The following PCDH11X variants were observed in gnomAD, a reference collection of about 807,000 sequenced individuals.
The protein encoded by PCDH11X is protocadherin 11 X-linked.
A neutral mutation model predicts 53.3 loss-of-function variants in PCDH11X; 18 were observed. That is an observed-to-expected ratio of 0.34 (90% CI 0.23 to 0.50). The LOEUF is 0.50. PCDH11X is among the 20% of genes least tolerant of loss of function. The pLI, the probability that PCDH11X is intolerant of heterozygous loss-of-function variation, is 0.98. For missense variants in PCDH11X, 570 were observed against 1,032.4 expected, an observed-to-expected ratio of 0.55 and a Z score of 6.14; for synonymous variants, 279 against 393.3, an observed-to-expected ratio of 0.71 and a Z score of 3.44.
chrX:91,818,363 A>T (rs1209038343), intron 4 of PCDH11X, among the ~76,000 whole-genome samples: 3 of 104,288 alleles, frequency 2.9e-5, no homozygotes, highest in African/African-American at 1.3e-4. Flanking sequence ...CCGCAAATGC[A>T]TGAAGAATTT....
chrX:91,795,010 A>G (rs1026365946), intron 1 of PCDH11X, among the ~76,000 whole-genome samples: 5 of 108,000 alleles, frequency 4.6e-5, no homozygotes, highest in Non-Finnish European at 7.7e-5. Flanking sequence ...CCTCCTTGCC[A>G]TCTGCCATGA....
In PCDH11X at chrX:91,982,752, A is replaced by G. The variant is rs1039550126; in HGVS notation, c.3033+103479A>G. 332 of 743,337 alleles carry G rather than the reference A, an allele frequency of 4.5e-4. 1 individual carries two copies. The highest frequency in any genetic ancestry group is 1.2e-3 in the South Asian group (57 of 47,630). The allele number at this position is 743,337 out of a possible 1,213,427, so 61.3% of individuals were successfully genotyped here. On this transcript the variant is annotated intron_variant, in intron 6 of 10. Transcript: ENST00000682573. ...CAGTGTCAGTTTGATACCTGGCTTT[A>G]GGGTCTGAGTGTATCCTAAACCTAT...
chrX:91,893,065 A>G lies in PCDH11X; in HGVS notation c.3033+13792A>G, dbSNP rs1187704331. On this transcript the variant is annotated intron_variant, in intron 6 of 10. Transcript: ENST00000682573. ...ATCATTTCCTTCCATATCTTTTCAA[A>G]TCTTAGCATCAACCTTACATAATTC... Among the ~76,000 whole-genome samples the G allele has an allele frequency of 4.6e-5, 5 of 109,486 alleles. No individual in the cohort carries two copies. The East Asian group carries it at 8.6e-4, about 19-fold the overall frequency.
chrX:92,374,004 G>T (rs2070685547), intron 8 of PCDH11X, among the ~76,000 whole-genome samples: 1 of 109,438 alleles, frequency 9.1e-6, no homozygotes, highest in Non-Finnish European at 1.9e-5. Context: ...TAATTTACTT[G>T]CTTGTAGATG....
intron 6 of PCDH11X, among the ~76,000 whole-genome samples, chrX:92,003,736 T>A (rs867283839): frequency 9.7e-6 from 1 of 102,943 alleles, no homozygotes; most frequent in Admixed American, 1.1e-4. Context: ...TCAATTATAA[T>A]GCCTCCCTTT....
At chrX:92,166,837 G>A (rs1163941587) in intron 6 of PCDH11X, among the ~76,000 whole-genome samples, 1 of 111,502 alleles carries the variant, frequency 9.0e-6, no homozygotes, top group Non-Finnish European at 1.9e-5. Flanking sequence ...TTTTGAGGCT[G>A]CAGTGAGCTA....
At chrX:91,938,543 T>C (rs1024078775) in intron 6 of PCDH11X, among the ~76,000 whole-genome samples, 4 of 107,934 alleles carry the variant, frequency 3.7e-5, no homozygotes, top group African/African-American at 1.3e-4. Flanking sequence ...AGAAAAGAGC[T>C]AGATGGAGAG....
At chrX:92,611,963 T>A (rs1208963375) in intron 10 of PCDH11X, among the ~76,000 whole-genome samples, 1 of 104,356 alleles carries the variant, frequency 9.6e-6, no homozygotes, top group Non-Finnish European at 2.0e-5. Flanking sequence ...AATTAATTTT[T>A]TGAAGTGCTG....
At chrX:92,542,339 A>G (rs773749584) in intron 10 of PCDH11X, among the ~76,000 whole-genome samples, 1 of 111,592 alleles carries the variant, frequency 9.0e-6, no homozygotes, top group South Asian at 3.8e-4. Flanking sequence ...GATGATGAAG[A>G]GTTGCCTGCA....
At chrX:91,953,582 G>T (rs1313231238) in intron 6 of PCDH11X, among the ~76,000 whole-genome samples, 1 of 110,533 alleles carries the variant, frequency 9.0e-6, no homozygotes, top group Non-Finnish European at 1.9e-5. Flanking sequence ...CTCATTAGAG[G>T]TCTAACCACA....
chrX:92,619,041 A>G lies in PCDH11X; in HGVS notation c.*101A>G, dbSNP rs1309205716. 3.3e-6 allele frequency: 3 copies of G among 906,915 alleles called. No individual in the cohort carries two copies. Among genetic ancestry groups the G allele is most frequent in the South Asian group, 2.3e-5 (1 of 44,270 alleles). 74.7% of individuals were successfully genotyped at this position (906,915 alleles called of 1,213,427 possible). ...CTGATTATCAGATTTGTAAATAACT[A>G]TGTAAATAGAAACAGATACCAGAAT... On this transcript the variant is annotated 3_prime_UTR_variant, in exon 11 of 11. Transcript: ENST00000682573.
At chrX:91,905,098 TTTATTATTATTATTATTA>T (rs200229863) in intron 6 of PCDH11X, among the ~76,000 whole-genome samples, 5 of 99,985 alleles carry the variant, frequency 5.0e-5, no homozygotes, top group Admixed American at 2.3e-4. Context: ...TACTTTTTTG[TTTATTATTATTATTATTA>T]TTATTATTAT....
intron 8 of PCDH11X, among the ~76,000 whole-genome samples, chrX:92,343,575 A>T (rs1009255497): frequency 1.8e-5 from 2 of 111,183 alleles, no homozygotes; most frequent in African/African-American, 3.3e-5. Flanking sequence ...TCTTTATGTG[A>T]AATGACTTTG....
At chrX:92,549,700 C>A (rs1230951470) in intron 10 of PCDH11X, among the ~76,000 whole-genome samples, 1 of 107,497 alleles carries the variant, frequency 9.3e-6, no homozygotes, top group Non-Finnish European at 1.9e-5. Context: ...CGAAAGAGAG[C>A]AAAAAACATC....
At chrX:92,275,983 C>T (rs181704634) in intron 8 of PCDH11X, among the ~76,000 whole-genome samples, 4,006 of 109,918 alleles carry the variant, frequency 0.036, 80 homozygotes, top group African/African-American at 0.07. Flanking sequence ...CAATGAGATG[C>T]GGCTATAGTC....
intron 7 of PCDH11X, among the ~76,000 whole-genome samples, chrX:92,217,379 C>CA (rs978883458): frequency 4.9e-5 from 5 of 101,970 alleles, no homozygotes; most frequent in Non-Finnish European, 1.0e-4. Flanking sequence ...AAATGGAAAA[C>CA]AAAAAAAGGC....
chrX:91,874,899 A>C (rs1399884105), intron 5 of PCDH11X, among the ~76,000 whole-genome samples: 7 of 93,470 alleles, frequency 7.5e-5, no homozygotes, highest in Non-Finnish European at 1.3e-4. Context: ...CAGTGGTATG[A>C]CAAAACTATA....
At chrX:92,281,444 G>T (rs186852244) in intron 8 of PCDH11X, among the ~76,000 whole-genome samples, 1 of 112,030 alleles carries the variant, frequency 8.9e-6, no homozygotes, top group African/African-American at 3.2e-5. Context: ...ACATTCCCAG[G>T]CAACTGCCAT....
At chrX:92,214,970 C>A (rs1461161034) in intron 7 of PCDH11X, among the ~76,000 whole-genome samples, 1 of 111,532 alleles carries the variant, frequency 9.0e-6, no homozygotes. Flanking sequence ...ATCACCTGAG[C>A]TCAGGAATTT....
Sources: gnomAD v4.1 joint callset for allele counts (sites outside exome capture counted in the v4.1 genomes callset) on GRCh38, gnomAD v4.1.1 for gene constraint, MANE v1.5 for transcripts, NCBI Gene and HGNC (gene_info 2026-07-23, HGNC 2026-07-21) for gene names.